Variants in SIK3 observed in about 807,000 individuals in gnomAD.
SIK3 encodes the protein serine/threonine-protein kinase SIK3.
Under a neutral mutation model 144.2 loss-of-function variants are expected in SIK3, and 28 were observed. The observed-to-expected ratio is 0.19, with a 90% CI of 0.14 to 0.27. SIK3 has a LOEUF of 0.27. Among genes scored for constraint, SIK3 ranks in the 10% least tolerant of loss-of-function variants. SIK3 has a pLI of 1.00. For synonymous variants in SIK3, 686 were observed against 676.3 expected, an observed-to-expected ratio of 1.01 and a Z score of -0.22; for missense variants, 1,319 against 1,776.0, an observed-to-expected ratio of 0.74 and a Z score of 4.62.
intron 1 of SIK3, among the ~76,000 whole-genome samples, chr11:117,038,513 C>T (rs1182923810): frequency 1.3e-5 from 2 of 151,834 alleles, no homozygotes; most frequent in Admixed American, 6.6e-5. Context: ...CCCGCCACCA[C>T]GCCTGGCTAA....
chr11:116,876,121 G>C, intron 8 of SIK3, 112 bp from the exon 9 acceptor site: 1 of 1,508,276 alleles, frequency 6.6e-7, no homozygotes, highest in Non-Finnish European at 9.0e-7. Flanking sequence ...TTCTTTCCAA[G>C]GCCCAGGAAG....
rs544871623 is a variant in SIK3 at position 117,056,926 on chromosome 11, A to T, written c.273+41217T>A. 2.6e-5 allele frequency among the ~76,000 whole-genome samples: 4 copies of T among 152,380 alleles called. 1 individual carries two copies. The South Asian group carries it at 8.3e-4, about 32-fold the overall frequency. ...ACATCTATATAATAACATTTTACAT[A>T]GCCATTTAAAAGAAACAGGTCAATA... is the stretch of plus-strand genomic sequence containing the variant. On this transcript the variant is annotated intron_variant, in intron 1 of 24. Coordinates refer to ENST00000445177, the MANE Select transcript of SIK3 (RefSeq NM_001366686.3).
rs1943748525 is a variant in SIK3 at position 116,868,047 on chromosome 11, G to T, written c.1851C>A (p.Thr617=). The part of the protein sequence containing the change: ...NRSKRHTLAM[T]NPTAEIPPDL... Reference sequence around the variant, plus strand: ...CCGGTGGGATCTCAGCTGTAGGGTTGGTCATGGCCAGTGTATGTCTTTTGG... The same window carrying T: ...CCGGTGGGATCTCAGCTGTAGGGTTTGTCATGGCCAGTGTATGTCTTTTGG... The change falls in exon 15 of 25, where the codon ACC becomes ACA. Residue 617 remains threonine, a synonymous_variant. Coordinates refer to ENST00000445177, the MANE Select transcript of SIK3 (RefSeq NM_001366686.3). 6.4e-7 allele frequency: 1 copy of T among 1,550,584 alleles called. No individual in the cohort carries two copies. The highest frequency in any genetic ancestry group is 8.7e-7 in the Non-Finnish European group (1 of 1,147,002).
chr11:116,962,355 G>T (rs1159743820), intron 1 of SIK3, among the ~76,000 whole-genome samples: 1 of 152,182 alleles, frequency 6.6e-6, no homozygotes, highest in African/African-American at 2.4e-5. Context: ...CCTTACACTG[G>T]TATGCAGATG....
At chr11:116,863,542 T>G in intron 16 of SIK3, 126 bp downstream of exon 16, 1 of 1,410,372 alleles carries the variant, frequency 7.1e-7, no homozygotes, top group Non-Finnish European at 9.7e-7. Flanking sequence ...AAAGCTATAC[T>G]TTTTTAACCT....
In SIK3 at chr11:116,858,685, C is replaced by T. The variant is rs759400270; in HGVS notation, c.2780G>A (p.Arg927Gln). 15 of 1,537,856 alleles carry T rather than the reference C, an allele frequency of 9.8e-6. No homozygotes were observed. Among genetic ancestry groups the T allele is most frequent in the South Asian group, 6.3e-5 (5 of 78,964 alleles). ...SAEAHSLNVN[R>Q]FSPANYDQAH... ...CTGGTCGTAGTTAGCAGGGGAGAAC[C>T]GATTCACGTTCAAGCTGCAGACACA... Residue 927 changes from arginine to glutamine, a missense_variant, in exon 21 of 25, where the codon CGG becomes CAG. By Grantham distance (43) the Arg-to-Gln change is conservative. Around this residue, in one of 8 missense-constraint regions of SIK3, gnomAD observed 646 missense variants for 763.7 expected, o/e 0.85. Transcript: ENST00000445177. This position sits in a 1 kb window ranked among gnomAD's most constrained non-coding sequence, Gnocchi z 5.4.
In SIK3 at chr11:116,843,655, TC is replaced by T. The variant is rs1278297084; in HGVS notation, c.*1987del. On this transcript the variant is annotated 3_prime_UTR_variant, in exon 25 of 25. Transcript: ENST00000445177. ...TGTTGCTGGAGGGTGCAGTCTGCTC[TC>T]CCATACATACAGTACCATGTAAACA... 7 of 152,204 alleles carry T rather than the reference TC, an allele frequency of 4.6e-5. No homozygotes were observed. Among genetic ancestry groups the T allele is most frequent in the Admixed American group, 1.3e-4 (2 of 15,276 alleles). 9.4% of individuals were successfully genotyped at this position (152,204 alleles called of 1,614,324 possible).
chr11:116,905,538 A>G (rs1021441537), intron 4 of SIK3, among the ~76,000 whole-genome samples: 1 of 152,170 alleles, frequency 6.6e-6, no homozygotes, highest in Non-Finnish European at 1.5e-5. Flanking sequence ...ACTGCTATCC[A>G]AAGTGGCCGT....
intron 4 of SIK3, among the ~76,000 whole-genome samples, chr11:116,908,868 C>T (rs893734619): frequency 6.6e-6 from 1 of 152,158 alleles, no homozygotes; most frequent in Non-Finnish European, 1.5e-5. Context: ...CCATATGACC[C>T]AGCAATTTCA....
chr11:116,852,135 T>C (rs1942507009), intron 21 of SIK3, among the ~76,000 whole-genome samples: 1 of 152,254 alleles, frequency 6.6e-6, no homozygotes, highest in Non-Finnish European at 1.5e-5. Flanking sequence ...AAAATGTATA[T>C]AGTCCTGGTT....
chr11:116,897,927 C>A (rs2134782367), intron 4 of SIK3, among the ~76,000 whole-genome samples: 1 of 151,958 alleles, frequency 6.6e-6, no homozygotes, highest in Non-Finnish European at 1.5e-5. Flanking sequence ...ATGTTAAGAC[C>A]ACATTAGAAT....
At chr11:116,915,617 G>A (rs1030312867) in intron 4 of SIK3, among the ~76,000 whole-genome samples, 1 of 151,982 alleles carries the variant, frequency 6.6e-6, no homozygotes, top group Admixed American at 6.5e-5. Flanking sequence ...TATACATGTG[G>A]TATATACATA....
At chr11:116,981,289 T>C (rs2135513290) in intron 1 of SIK3, among the ~76,000 whole-genome samples, 1 of 152,334 alleles carries the variant, frequency 6.6e-6, no homozygotes, top group Admixed American at 6.5e-5. Context: ...AAGTCAGTAC[T>C]GACCATCAGC....
intron 1 of SIK3, among the ~76,000 whole-genome samples, chr11:117,076,965 A>G (rs1224774185): frequency 6.6e-6 from 1 of 152,194 alleles, no homozygotes; most frequent in Non-Finnish European, 1.5e-5. Context: ...AGACCAGCCT[A>G]GGCAACAAAC....
intron 1 of SIK3, among the ~76,000 whole-genome samples, chr11:117,070,182 A>C (rs1022599280): frequency 1.3e-5 from 2 of 152,226 alleles, no homozygotes; most frequent in African/African-American, 4.8e-5. Flanking sequence ...TCACTAGAAA[A>C]CAATATAAAT....
chr11:116,968,154 G>C (rs1949629017), intron 1 of SIK3, among the ~76,000 whole-genome samples: 1 of 151,842 alleles, frequency 6.6e-6, no homozygotes, highest in African/African-American at 2.4e-5. Flanking sequence ...TTTTGTTTTT[G>C]TTTTTTGAGA....
chr11:117,072,481 T>C (rs1447588206), intron 1 of SIK3, among the ~76,000 whole-genome samples: 4 of 152,212 alleles, frequency 2.6e-5, no homozygotes, highest in African/African-American at 7.2e-5. Flanking sequence ...TAACTAAAAG[T>C]GTAAACAGCT....
At chr11:116,993,298 C>T (rs116254848) in intron 1 of SIK3, among the ~76,000 whole-genome samples, 22 of 152,312 alleles carry the variant, frequency 1.4e-4, no homozygotes, top group African/African-American at 4.8e-4. Context: ...CATCTAGAAA[C>T]GCAACTATGC....
intron 3 of SIK3, among the ~76,000 whole-genome samples, chr11:116,945,219 A>T (rs1274179716): frequency 2.0e-5 from 3 of 152,094 alleles, no homozygotes; most frequent in African/African-American, 7.2e-5. Context: ...TCAGCCTCCC[A>T]AAGTGCTGGG....
Sources: gnomAD v4.1 joint callset for allele counts (sites outside exome capture counted in the v4.1 genomes callset) on GRCh38, gnomAD v4.1.1 for gene constraint, gnomAD v4.1.1 regional missense constraint, Gnocchi (gnomAD v3.1) non-coding constraint, MANE v1.5 for transcripts, NCBI Gene and HGNC (gene_info 2026-07-23, HGNC 2026-07-21) for gene names.